ACAP1: variants seen among roughly 807,000 people sequenced by gnomAD.
The protein encoded by ACAP1 is arf-GAP with coiled-coil, ANK repeat and PH domain-containing protein 1.
Under a neutral mutation model 98.8 loss-of-function variants are expected in ACAP1, and 45 were observed. That is an observed-to-expected ratio of 0.46 (90% CI 0.36 to 0.58). The LOEUF is 0.58. Among genes scored for constraint, ACAP1 ranks in the 20% least tolerant of loss-of-function variants. The pLI, the probability that ACAP1 is intolerant of heterozygous loss-of-function variation, is 0.00. For synonymous variants in ACAP1, 362 were observed against 375.3 expected (o/e 0.96, Z 0.41); for missense variants, 735 against 971.4 (o/e 0.76, Z 3.24).
Position 7,346,815 on chromosome 17 carries a change from C to T in ACAP1, c.1015C>T (p.Leu339Phe), listed in dbSNP as rs1440553253. ...CCTCACCCTCCTACCTAGGTCCTGC[C>T]TCCTCCAGGCTGACTCAGAGCGCCT... ...FEVVSTSKSC[L>F]LQADSERLLQ... is the part of the protein sequence containing the mutation. The change falls in exon 13 of 22, where the codon CTC (leucine) becomes TTC (phenylalanine). Residue 339 changes from leucine (L) to phenylalanine (F), a missense_variant. By Grantham distance (22) the Leu-to-Phe change is conservative (BLOSUM62 0). Coordinates refer to ENST00000158762, the MANE Select transcript of ACAP1 (RefSeq NM_014716.4). 1 of 1,612,144 alleles carries T rather than the reference C, an allele frequency of 6.2e-7. No homozygotes were observed. The highest frequency in any genetic ancestry group is 1.3e-5 in the African/African-American group (1 of 74,876).
At chr17:7,339,536 G>A (rs554186496) in intron 2 of ACAP1, among the ~76,000 whole-genome samples, 2 of 152,178 alleles carry the variant, frequency 1.3e-5, no homozygotes, top group East Asian at 3.9e-4. Flanking sequence ...CTTGAACCCA[G>A]GAGGCGGAGG....
chr17:7,337,225 C>A, intron 1 of ACAP1, 87 bp from the exon 2 acceptor site: 1 of 1,276,730 alleles, frequency 7.8e-7, no homozygotes, highest in Non-Finnish European at 1.1e-6. Context: ...CTCCTCCGTA[C>A]CCACCGCCCT....
rs1204127383 is a variant in ACAP1, at chr17:7,346,658, GA to G, written c.1008-149del. 2.6e-6 allele frequency: 3 copies of G among 1,135,410 alleles called. No individual in the cohort carries two copies. In the East Asian group the frequency reaches 7.1e-5, roughly 27 times the overall value. 70.3% of individuals were successfully genotyped at this position (1,135,410 alleles called of 1,614,324 possible). A position where few individuals can be genotyped will look rare whatever the true frequency, so the allele number is the denominator to read the frequency against. On this transcript the variant is annotated intron_variant, in intron 12 of 21. Transcript: ENST00000158762. ...TGGAAGAGGGTACAGGGTGATGGGG[GA>G]TATTTAGGAGAATATTACCAACTGG...
rs963649461 is a variant in ACAP1, at chr17:7,350,819, C to A, written c.2073-131C>A. On this transcript the variant is annotated intron_variant, in intron 20 of 21. Transcript: ENST00000158762. The surrounding 1 kb of genome is among the most constrained non-coding windows in gnomAD (Gnocchi z 4.6). ...TAGAGACGGGGTTTCACCATGTTGGCCAGGACGGTCTCGATCTCCTGACCT... is the reference window on the plus strand; with the variant it reads ...TAGAGACGGGGTTTCACCATGTTGGACAGGACGGTCTCGATCTCCTGACCT... 8 of 825,674 alleles carry A rather than the reference C, an allele frequency of 9.7e-6. No individual in the cohort carries two copies. The highest frequency in any genetic ancestry group is 1.6e-5 in the Non-Finnish European group (8 of 505,596). The allele number at this position is 825,674 out of a possible 1,614,324, so 51.1% of individuals were successfully genotyped here. A position where few individuals can be genotyped will look rare whatever the true frequency, so the allele number is the denominator to read the frequency against.
chr17:7,337,349 T>A lies in ACAP1; in HGVS notation c.91T>A (p.Leu31Met). The change falls in exon 2 of 22, where the codon TTG (leucine) becomes ATG (methionine). Residue 31 changes from leucine to methionine, a missense_variant. Transcript: ENST00000158762. Reference protein sequence around the residue: ...IELVEAEVSELETRLEKLLKL... With the variant: ...IELVEAEVSEMETRLEKLLKL... ...GCTGGTGGAAGCCGAAGTGTCAGAA[T>A]TGGAGACCCGTCTGGAAAAGGTGAC... 3.1e-6 allele frequency: 5 copies of A among 1,614,082 alleles called. No individual in the cohort carries two copies. The highest frequency in any genetic ancestry group is 4.2e-6 in the Non-Finnish European group (5 of 1,180,004).
chr17:7,342,906 TCAAA>T, intron 5 of ACAP1: 1 of 53,750 alleles, frequency 1.9e-5, no homozygotes, highest in Non-Finnish European at 3.5e-5. Flanking sequence ...AGACTCTGCC[TCAAA>T]AAAAAAAAAA....
rs997330044 is a variant in ACAP1 at position 7,350,419 on chromosome 17, G to A, written c.2072+182G>A. ...GGCTGCGCGAAGTGTGCACTGGGAC[G>A]TGGAGTAGAAGGCAGGCGGGAGGGC... On this transcript the variant is annotated intron_variant, in intron 20 of 21. Coordinates refer to ENST00000158762, the MANE Select transcript of ACAP1 (RefSeq NM_014716.4). The surrounding 1 kb of genome is among the most constrained non-coding windows in gnomAD (Gnocchi z 4.6). 1.0e-5 allele frequency: 6 copies of A among 592,890 alleles called. No individual in the cohort carries two copies. Among genetic ancestry groups the A allele is most frequent in the East Asian group, 2.8e-5 (1 of 35,418 alleles). 36.7% of individuals were successfully genotyped at this position (592,890 alleles called of 1,614,324 possible).
At chr17:7,341,125 C>G (rs1356488503) in intron 2 of ACAP1, among the ~76,000 whole-genome samples, 1 of 152,212 alleles carries the variant, frequency 6.6e-6, no homozygotes, top group Non-Finnish European at 1.5e-5. Flanking sequence ...TGGGACAACT[C>G]CTAGCAGTAA....
intron 12 of ACAP1, 127 bp downstream of exon 12, chr17:7,346,618 A>C: frequency 8.6e-7 from 1 of 1,169,448 alleles, no homozygotes; most frequent in Non-Finnish European, 1.2e-6. Context: ...TGGCGGCTGG[A>C]CTGGGGGGCC....
chr17:7,340,341 T>C (rs4796406), intron 2 of ACAP1, among the ~76,000 whole-genome samples: 44,529 of 152,120 alleles, frequency 0.29, 6,820 homozygotes, highest in East Asian at 0.43. Context: ...ATCAACAGTT[T>C]GTTCCTTTTT....
intron 18 of ACAP1, 50 bp downstream of exon 18, chr17:7,349,217 C>G: frequency 3.1e-6 from 5 of 1,597,768 alleles, no homozygotes; most frequent in Non-Finnish European, 4.3e-6. Flanking sequence ...CTGACACCTA[C>G]TCCTGACTCT....
intron 2 of ACAP1, among the ~76,000 whole-genome samples, chr17:7,338,559 G>A (rs1420283757): frequency 6.6e-6 from 1 of 151,976 alleles, no homozygotes; most frequent in African/African-American, 2.4e-5. Context: ...CACCGCACCC[G>A]GCCTACAAAT....
intron 2 of ACAP1, among the ~76,000 whole-genome samples, chr17:7,337,623 GTGAA>G (rs2073234409): frequency 3.3e-5 from 5 of 152,304 alleles, no homozygotes; most frequent in Middle Eastern, 3.4e-3. Flanking sequence ...GGAGGCCAAG[GTGAA>G]TGGATCACCT....
chr17:7,342,214 C>T lies in ACAP1; in HGVS notation c.232-61C>T, dbSNP rs368821198. 137 of 1,609,334 alleles carry T rather than the reference C, an allele frequency of 8.5e-5. No individual in the cohort carries two copies. The African/African-American group carries it at 1.4e-3, about 17-fold the overall frequency. The stretch of plus-strand genomic sequence containing the variant: ...ATGACAGCCGTAGCAGGCTGGGTCT[C>T]GAGTCGGGAGGGTGCTGCCACCCCA... On this transcript the variant is annotated intron_variant, in intron 3 of 21. Transcript: ENST00000158762.
At position 7,347,950 on chromosome 17, in the gene ACAP1, C is replaced by A. The variant is rs996571307; in HGVS notation, c.1372C>A (p.Arg458=). The A allele has an allele frequency of 2.5e-6, 4 of 1,614,186 alleles. No homozygotes were observed. The highest frequency in any genetic ancestry group is 3.4e-6 in the Non-Finnish European group (4 of 1,180,016). Residue 458 remains arginine, a synonymous_variant, in exon 15 of 22, where the codon CGG becomes AGG. Transcript: ENST00000158762. ...CCTTGGTGTTCACTTCTCCAAAGTC[C>A]GGTCTCTGACCCTTGACTCATGGGA... ...RSLGVHFSKV[R]SLTLDSWEPE...
intron 18 of ACAP1, chr17:7,349,393 T>TC (rs2073379989): frequency 3.9e-6 from 2 of 510,800 alleles, no homozygotes; most frequent in Non-Finnish European, 6.9e-6. Context: ...TTTTTTTTTT[T>TC]TTGAGACAGT....
chr17:7,347,083 T>C lies in ACAP1; in HGVS notation c.1184T>C (p.Met395Thr). ...GCTGCCACCCTGGGCTCTGGTGGAA[T>C]GGCCAGGGGAAGGGAGCCTGGGGGA... ...GSAATLGSGGMARGREPGGVG... is the reference protein window; with the variant it reads ...GSAATLGSGGTARGREPGGVG... Residue 395 changes from methionine (M) to threonine (T), a missense_variant, in exon 14 of 22, where the codon ATG (methionine) becomes ACG (threonine). Met to Thr is a moderately conservative substitution (Grantham distance 81). Transcript: ENST00000158762. 6.2e-7 allele frequency: 1 copy of C among 1,611,802 alleles called. No individual in the cohort carries two copies. Among genetic ancestry groups the C allele is most frequent in the Non-Finnish European group, 8.5e-7 (1 of 1,178,634 alleles).
intron 5 of ACAP1, chr17:7,342,800 C>T: frequency 2.6e-6 from 1 of 384,488 alleles, no homozygotes; most frequent in Non-Finnish European, 4.9e-6. Flanking sequence ...CCCAGCTACT[C>T]AGGAGGCCGA....
chr17:7,337,419 G>T lies in ACAP1; in HGVS notation c.111+50G>T, dbSNP rs766991826. 5.9e-6 allele frequency: 9 copies of T among 1,522,742 alleles called. No homozygotes were observed. The South Asian group carries it at 9.0e-5, about 15-fold the overall frequency. The allele number at this position is 1,522,742 out of a possible 1,614,324, so 94.3% of individuals were successfully genotyped here. On this transcript the variant is annotated intron_variant, in intron 2 of 21. Transcript: ENST00000158762. ...CCAGGAGTGGATTAGGTTGAGAGGG[G>T]TAGGGCCAGGGAGAAAGCTGGAGAC...
Sources: allele counts gnomAD v4.1 joint callset (sites outside exome capture counted in the v4.1 genomes callset), GRCh38; gene constraint gnomAD v4.1.1; non-coding constraint Gnocchi (gnomAD v3.1); transcripts MANE v1.5; gene names NCBI Gene and HGNC (gene_info 2026-07-23, HGNC 2026-07-21).